Variants in PTCHD4 observed in about 807,000 individuals in gnomAD.
The protein encoded by PTCHD4 is patched domain-containing protein 4.
Under a neutral mutation model 58.1 loss-of-function variants are expected in PTCHD4, and 33 were observed. The ratio of observed to expected loss-of-function variants is 0.57; its 90% CI spans 0.43 to 0.76. PTCHD4 has a LOEUF of 0.76. PTCHD4 is among the 30% of genes least tolerant of loss of function. The pLI, the probability that PTCHD4 is intolerant of heterozygous loss-of-function variation, is 0.00. For synonymous variants in PTCHD4, 478 were observed against 409.6 expected, an observed-to-expected ratio of 1.17 and a Z score of -2.02; for missense variants, 1,058 against 1,027.1, an observed-to-expected ratio of 1.03 and a Z score of -0.41.
intron 3 of PTCHD4, among the ~76,000 whole-genome samples, chr6:48,033,319 G>T (rs1763516513): frequency 6.6e-6 from 1 of 151,804 alleles, no homozygotes; most frequent in South Asian, 2.1e-4. Flanking sequence ...CTGGACCTCT[G>T]AAAAAAATGT....
chr6:48,044,249 G>A (rs1006639682), intron 3 of PTCHD4, among the ~76,000 whole-genome samples: 2 of 151,788 alleles, frequency 1.3e-5, no homozygotes, highest in Non-Finnish European at 2.9e-5. Context: ...CACACCATGA[G>A]GGTATTCTGC....
intron 3 of PTCHD4, among the ~76,000 whole-genome samples, chr6:48,028,469 AG>A (rs2114126772): frequency 6.6e-6 from 1 of 152,296 alleles, no homozygotes; most frequent in South Asian, 2.1e-4. Flanking sequence ...TGATGAAGCT[AG>A]CTAAAATTTA....
rs528110148 is a variant in PTCHD4, at chr6:47,972,423, G to A, written c.898+36211C>T. On this transcript the variant is annotated intron_variant, in intron 4 of 4. Transcript: ENST00000339488. Reference sequence around the variant, plus strand: ...CAATTTCAAAATATTTTATGATAGGGAAGAAATAGGGTGGCCAGAAAAAGG... The same window carrying A: ...CAATTTCAAAATATTTTATGATAGGAAAGAAATAGGGTGGCCAGAAAAAGG... Among the ~76,000 whole-genome samples the A allele has an allele frequency of 4.6e-5, 7 of 152,132 alleles. No individual in the cohort carries two copies. The South Asian group carries it at 1.5e-3, about 32-fold the overall frequency.
At chr6:47,898,964 G>C (rs1014524578) in intron 4 of PTCHD4, among the ~76,000 whole-genome samples, 1 of 152,202 alleles carries the variant, frequency 6.6e-6, no homozygotes, top group Non-Finnish European at 1.5e-5. Context: ...GAAAAATCCA[G>C]TGATTGGTTT....
intron 4 of PTCHD4, among the ~76,000 whole-genome samples, chr6:47,914,575 AG>A (rs1401853280): frequency 6.6e-6 from 1 of 151,836 alleles, no homozygotes; most frequent in Non-Finnish European, 1.5e-5. Context: ...CTCAGTCTCC[AG>A]GATCATGTGA....
chr6:48,105,450 G>A (rs1250038786), intron 1 of PTCHD4, among the ~76,000 whole-genome samples: 1 of 152,160 alleles, frequency 6.6e-6, no homozygotes, highest in African/African-American at 2.4e-5. Flanking sequence ...TTTAAAAACA[G>A]TGCATAGAGG....
chr6:48,045,238 A>C (rs1018571438), intron 3 of PTCHD4, among the ~76,000 whole-genome samples: 3 of 151,816 alleles, frequency 2.0e-5, no homozygotes, highest in African/African-American at 7.2e-5. Flanking sequence ...TGGAGTGATT[A>C]ATTTTTACTA....
intron 1 of PTCHD4, among the ~76,000 whole-genome samples, chr6:48,083,965 G>T (rs1223658837): frequency 6.6e-6 from 1 of 151,956 alleles, no homozygotes; most frequent in Non-Finnish European, 1.5e-5. Context: ...TCAGACTTTT[G>T]AGCTAAATAT....
At chr6:48,066,157 C>T (rs1764788626) in intron 3 of PTCHD4, among the ~76,000 whole-genome samples, 1 of 151,748 alleles carries the variant, frequency 6.6e-6, no homozygotes, top group African/African-American at 2.4e-5. Context: ...ACTGCTAAGC[C>T]TCACGAGAGT....
intron 1 of PTCHD4, among the ~76,000 whole-genome samples, chr6:48,086,459 A>C (rs936511975): frequency 1.1e-4 from 11 of 98,366 alleles, no homozygotes; most frequent in Non-Finnish European, 2.2e-4. Context: ...AGTATCCATC[A>C]AAAAAAAAAA....
In PTCHD4 at chr6:47,962,058, C is replaced by A. The variant is rs377597777; in HGVS notation, c.898+46576G>T. On this transcript the variant is annotated intron_variant, in intron 4 of 4. Transcript: ENST00000339488. ...GAAAAATAAAGAAGAAAAAATCAGT[C>A]TCAGGAATGAAAGAGGTGACATCAT... 2.0e-5 allele frequency among the ~76,000 whole-genome samples: 3 copies of A among 151,942 alleles called. No homozygotes were observed. The South Asian group carries it at 6.2e-4, about 31-fold the overall frequency.
At chr6:48,046,985 T>C (rs1582073644) in intron 3 of PTCHD4, among the ~76,000 whole-genome samples, 1 of 151,992 alleles carries the variant, frequency 6.6e-6, no homozygotes, top group Non-Finnish European at 1.5e-5. Flanking sequence ...GACACCACTG[T>C]CATAAACTGA....
At position 48,108,494 on chromosome 6, in the gene PTCHD4, C is replaced by T. The variant is rs1439701368; in HGVS notation, c.-970+2555G>A. 3.3e-5 allele frequency among the ~76,000 whole-genome samples: 5 copies of T among 151,932 alleles called. No homozygotes were observed. In the South Asian group the frequency reaches 8.3e-4, roughly 25 times the overall value. On this transcript the variant is annotated intron_variant, in intron 1 of 4. Coordinates refer to ENST00000339488, the MANE Select transcript of PTCHD4 (RefSeq NM_001384253.1). ...GGAGGGATAGCATTAGGAGGTATAC[C>T]TAATGCTAAATGATGAGTTAATGGG...
chr6:47,923,455 A>G (rs956504990), intron 4 of PTCHD4, among the ~76,000 whole-genome samples: 1 of 152,198 alleles, frequency 6.6e-6, no homozygotes, highest in African/African-American at 2.4e-5. Flanking sequence ...GAGTCCTTAC[A>G]TATAAAAAGA....
chr6:47,946,588 G>T (rs1766427040), intron 4 of PTCHD4, among the ~76,000 whole-genome samples: 1 of 152,020 alleles, frequency 6.6e-6, no homozygotes, highest in Non-Finnish European at 1.5e-5. Context: ...TGTTTAGGAT[G>T]TATATCTTAT....
chr6:48,077,118 C>T (rs919316035), intron 1 of PTCHD4, among the ~76,000 whole-genome samples: 1 of 152,340 alleles, frequency 6.6e-6, no homozygotes, highest in East Asian at 1.9e-4. Context: ...TAGGTCTCAA[C>T]AGCTGACTTA....
At chr6:48,007,934 G>GCACACACACACA (rs771135094) in intron 4 of PTCHD4, among the ~76,000 whole-genome samples, 2 of 52,926 alleles carry the variant, frequency 3.8e-5, no homozygotes, top group African/African-American at 1.5e-4. Context: ...ATGTGCGCGC[G>GCACACACACACA]CGCACACACA....
At chr6:48,069,969 G>A (rs1488629091) in intron 1 of PTCHD4, among the ~76,000 whole-genome samples, 43 bp from the exon 2 acceptor site, 2 of 151,902 alleles carry the variant, frequency 1.3e-5, no homozygotes, top group South Asian at 2.1e-4. Context: ...AAACCTATTG[G>A]AGTCACTTGT....
intron 3 of PTCHD4, among the ~76,000 whole-genome samples, chr6:48,017,860 GT>G (rs1463161760): frequency 3.0e-4 from 45 of 152,232 alleles, no homozygotes; most frequent in African/African-American, 1.1e-3. Context: ...TAACGTAATG[GT>G]TATGTACACA....
Sources: gnomAD v4.1 joint callset for allele counts (sites outside exome capture counted in the v4.1 genomes callset) on GRCh38, gnomAD v4.1.1 for gene constraint, MANE v1.5 for transcripts, NCBI Gene and HGNC (gene_info 2026-07-23, HGNC 2026-07-21) for gene names.